Variants in SPATA16 observed in about 807,000 individuals in gnomAD.
SPATA16 encodes spermatogenesis-associated protein 16.
Under a neutral mutation model 63.3 loss-of-function variants are expected in SPATA16, and 36 were observed. The observed-to-expected ratio is 0.57, with a 90% CI of 0.44 to 0.75. The LOEUF is 0.75. Among genes scored for constraint, SPATA16 ranks in the 30% least tolerant of loss-of-function variants. The pLI is 0.00. For synonymous variants in SPATA16, 203 were observed against 216.7 expected (o/e 0.94, Z 0.56); for missense variants, 646 against 679.3 (o/e 0.95, Z 0.54).
chr3:172,891,893 T>C (rs1198989848), intron 10 of SPATA16, among the ~76,000 whole-genome samples: 1 of 152,242 alleles, frequency 6.6e-6, no homozygotes, highest in East Asian at 1.9e-4. Context: ...TTAGATATTG[T>C]AATTTTTAAA....
intron 2 of SPATA16, among the ~76,000 whole-genome samples, chr3:173,079,056 T>G (rs1560116240): frequency 6.6e-6 from 1 of 152,120 alleles, no homozygotes; most frequent in Non-Finnish European, 1.5e-5. Context: ...AATGTGTTTA[T>G]TGTCAATGTC....
chr3:172,986,396 A>C (rs1405700195), intron 4 of SPATA16, among the ~76,000 whole-genome samples: 3 of 152,162 alleles, frequency 2.0e-5, no homozygotes, highest in African/African-American at 7.2e-5. Flanking sequence ...AGCCATTCCT[A>C]TCATTAAGGT....
chr3:172,943,878 A>G (rs2109606207), intron 6 of SPATA16, among the ~76,000 whole-genome samples: 1 of 152,338 alleles, frequency 6.6e-6, no homozygotes, highest in South Asian at 2.1e-4. Context: ...AAACTATTCA[A>G]AAAACCCAAA....
At chr3:173,062,908 A>G (rs7631801) in intron 2 of SPATA16, among the ~76,000 whole-genome samples, 28,114 of 152,064 alleles carry the variant, frequency 0.18, 2,668 homozygotes, top group South Asian at 0.23. Flanking sequence ...TAGGGTTTGT[A>G]CTCCTATGAG....
intron 5 of SPATA16, among the ~76,000 whole-genome samples, chr3:172,966,011 C>G (rs1733912747): frequency 6.6e-6 from 1 of 152,192 alleles, no homozygotes; most frequent in Admixed American, 6.5e-5. Context: ...CTATACATGA[C>G]TTCCCATGCT....
At chr3:173,047,166 T>G (rs1204477444) in intron 3 of SPATA16, among the ~76,000 whole-genome samples, 3 of 151,894 alleles carry the variant, frequency 2.0e-5, no homozygotes, top group African/African-American at 7.2e-5. Flanking sequence ...TTCTTATATT[T>G]GGATTATAGT....
chr3:173,046,111 G>A (rs918739005), intron 3 of SPATA16, among the ~76,000 whole-genome samples: 2 of 151,960 alleles, frequency 1.3e-5, no homozygotes, highest in African/African-American at 4.8e-5. Context: ...AAGAATCATA[G>A]CAGGATTTTT....
intron 2 of SPATA16, among the ~76,000 whole-genome samples, chr3:173,068,659 C>G (rs1736584688): frequency 6.6e-6 from 1 of 151,994 alleles, no homozygotes; most frequent in South Asian, 2.1e-4. Flanking sequence ...GGAAACACAG[C>G]TTACTAAAAC....
intron 10 of SPATA16, among the ~76,000 whole-genome samples, chr3:172,911,928 C>G (rs1045599999): frequency 2.6e-5 from 4 of 152,160 alleles, no homozygotes; most frequent in African/African-American, 7.2e-5. Context: ...TTCTGTAGCC[C>G]CTCAATCTCT....
chr3:173,109,591 G>A (rs181209371), intron 2 of SPATA16, among the ~76,000 whole-genome samples: 53 of 151,894 alleles, frequency 3.5e-4, no homozygotes, highest in African/African-American at 1.2e-3. Context: ...TTATTCCATC[G>A]GGGTTGGGAT....
chr3:172,901,294 G>GGTT (rs1732121902), intron 10 of SPATA16, among the ~76,000 whole-genome samples: 1 of 152,136 alleles, frequency 6.6e-6, no homozygotes, highest in Non-Finnish European at 1.5e-5. Flanking sequence ...CCACCTCCCG[G>GGTT]GTTCAAGCGA....
chr3:172,984,620 T>C (rs1370254058), intron 4 of SPATA16, among the ~76,000 whole-genome samples: 1 of 152,146 alleles, frequency 6.6e-6, no homozygotes, highest in Non-Finnish European at 1.5e-5. Context: ...TGAGACTGAG[T>C]CTCTACCTAT....
chr3:173,015,067 T>C (rs867236843), intron 4 of SPATA16, among the ~76,000 whole-genome samples: 3,157 of 119,476 alleles, frequency 0.026, 105 homozygotes, highest in African/African-American at 0.08. Flanking sequence ...TTTTTCTCTT[T>C]TTTTTTTTTT....
At chr3:173,047,638 G>A (rs1735988056) in intron 3 of SPATA16, among the ~76,000 whole-genome samples, 2 of 151,950 alleles carry the variant, frequency 1.3e-5, no homozygotes, top group Non-Finnish European at 2.9e-5. Flanking sequence ...CACCCAGATA[G>A]CCCAAAAGTT....
At chr3:173,121,050 T>C (rs1430412465) in intron 1 of SPATA16, among the ~76,000 whole-genome samples, 1 of 152,186 alleles carries the variant, frequency 6.6e-6, no homozygotes, top group Non-Finnish European at 1.5e-5. Context: ...CCAATATATA[T>C]AAGAAACTAA....
At chr3:172,962,359 A>G (rs982444700) in intron 5 of SPATA16, among the ~76,000 whole-genome samples, 9 of 151,886 alleles carry the variant, frequency 5.9e-5, no homozygotes, top group South Asian at 2.1e-4. Flanking sequence ...AGTAGATCCA[A>G]TCAGAAACAT....
At chr3:172,975,673 T>C (rs1734140114) in intron 5 of SPATA16, among the ~76,000 whole-genome samples, 1 of 152,150 alleles carries the variant, frequency 6.6e-6, no homozygotes, top group African/African-American at 2.4e-5. Context: ...ATAGGTTGTT[T>C]TGGGTTTAAA....
intron 4 of SPATA16, among the ~76,000 whole-genome samples, chr3:172,996,212 G>A (rs1383203757): frequency 2.0e-5 from 3 of 152,042 alleles, no homozygotes; most frequent in East Asian, 1.9e-4. Context: ...CAGTGGGTAC[G>A]TGATGGTGAT....
At chr3:172,927,226 C>T (rs1297756380) in intron 6 of SPATA16, among the ~76,000 whole-genome samples, 1 of 152,136 alleles carries the variant, frequency 6.6e-6, no homozygotes, top group Non-Finnish European at 1.5e-5. Context: ...CTGTTCTATA[C>T]CCTACTCACA....
Sources: allele counts gnomAD v4.1 joint callset (sites outside exome capture counted in the v4.1 genomes callset), GRCh38; gene constraint gnomAD v4.1.1; transcripts MANE v1.5; gene names NCBI Gene and HGNC (gene_info 2026-07-23, HGNC 2026-07-21).